PCDHA8: variants seen among roughly 807,000 people sequenced by gnomAD.
The protein encoded by PCDHA8 is protocadherin alpha 8.
PCDHA8 carries 53 observed loss-of-function variants against 61.8 expected under a neutral mutation model. The ratio of observed to expected loss-of-function variants is 0.86; its 90% CI spans 0.69 to 1.08. The LOEUF (loss-of-function observed/expected upper bound fraction) is 1.08. Among genes scored for constraint, PCDHA8 ranks in the 50% least tolerant of loss-of-function variants. The pLI, the probability that PCDHA8 is intolerant of heterozygous loss-of-function variation, is 0.00. For synonymous variants in PCDHA8, 618 were observed against 556.6 expected (o/e 1.11, Z -1.55); for missense variants, 1,293 against 1,245.0 (o/e 1.04, Z -0.58).
At chr5:140,889,009 C>T (rs1030437186) in intron 1 of PCDHA8, among the ~76,000 whole-genome samples, 7 of 152,128 alleles carry the variant, frequency 4.6e-5, no homozygotes, top group Admixed American at 1.3e-4. Flanking sequence ...GCAAACCAAC[C>T]TCTACTTCCT....
intron 1 of PCDHA8, among the ~76,000 whole-genome samples, chr5:140,891,557 A>G (rs549418095): frequency 6.6e-6 from 1 of 151,608 alleles, no homozygotes; most frequent in Non-Finnish European, 1.5e-5. Flanking sequence ...TTATTTTAGT[A>G]CTCTAATTAA....
chr5:140,876,456 TTCC>T, intron 1 of PCDHA8: 1 of 1,614,050 alleles, frequency 6.2e-7, no homozygotes, highest in Non-Finnish European at 8.5e-7. Flanking sequence ...AAGGGATTCC[TTCC>T]ATGGCAGGTC....
At chr5:140,904,164 T>C (rs1475689291) in intron 1 of PCDHA8, among the ~76,000 whole-genome samples, 1 of 152,078 alleles carries the variant, frequency 6.6e-6, no homozygotes, top group Non-Finnish European at 1.5e-5. Flanking sequence ...CAGTTTGTAG[T>C]CTTTTATTCC....
At chr5:140,987,952 C>T (rs1176597775) in intron 3 of PCDHA8, among the ~76,000 whole-genome samples, 1 of 152,128 alleles carries the variant, frequency 6.6e-6, no homozygotes, top group African/African-American at 2.4e-5. Flanking sequence ...TCTGACAAAA[C>T]CAACTCCCCA....
rs112458290 is a variant in PCDHA8, at chr5:140,842,855, A to G, written c.1534A>G (p.Thr512Ala). 3.5e-3 allele frequency: 5,603 copies of G among 1,593,762 alleles called. 526 individuals carry two copies. The African/African-American group carries it at 0.06, about 17-fold the overall frequency. Residue 512 changes from threonine to alanine, a missense_variant, in exon 1 of 4, where the codon ACG becomes GCG. By Grantham distance (58) the Thr-to-Ala change is moderately conservative (BLOSUM62 0). Coordinates refer to ENST00000531613, the MANE Select transcript of PCDHA8 (RefSeq NM_018911.3). ...GCTGTCGAGCTACATTTCGGTGCACACGGAGAGCGGCAAGGTGTACGCGCT... is the reference window on the plus strand; with the variant it reads ...GCTGTCGAGCTACATTTCGGTGCACGCGGAGAGCGGCAAGGTGTACGCGCT... ...RSLSSYISVH[T>A]ESGKVYALQP...
At chr5:140,908,234 C>T (rs1262299431) in intron 1 of PCDHA8, among the ~76,000 whole-genome samples, 5 of 152,184 alleles carry the variant, frequency 3.3e-5, no homozygotes, top group Non-Finnish European at 7.3e-5. Context: ...CCTTAGTCTT[C>T]TCTTCCTCAT....
At chr5:140,964,584 A>G (rs1347418719) in intron 1 of PCDHA8, among the ~76,000 whole-genome samples, 2 of 152,132 alleles carry the variant, frequency 1.3e-5, no homozygotes, top group African/African-American at 4.8e-5. Context: ...GGGAGGAAAG[A>G]TCACTTTTCA....
intron 1 of PCDHA8, among the ~76,000 whole-genome samples, chr5:140,910,110 G>A (rs964418352): frequency 6.6e-6 from 1 of 152,194 alleles, no homozygotes; most frequent in South Asian, 2.1e-4. Flanking sequence ...TCATTTAAGG[G>A]ATTCTAGGTC....
At position 140,982,568 on chromosome 5, in the gene PCDHA8, A is replaced by G. The variant is rs1158399397; in HGVS notation, c.2542+5A>G. 6.2e-7 allele frequency: 1 copy of G among 1,613,890 alleles called. No individual in the cohort carries two copies. The highest frequency in any genetic ancestry group is 8.5e-7 in the Non-Finnish European group (1 of 1,179,906). On this transcript the variant is annotated splice_donor_5th_base_variant and intron_variant, in intron 3 of 3. Coordinates refer to ENST00000531613, the MANE Select transcript of PCDHA8 (RefSeq NM_018911.3). ...CAGTATCCAGTGCAACACCAGGTAA[A>G]GAGCTGGGGTCTCTCCATTCTTTCT...
chr5:140,999,066 T>G (rs2097845533), intron 3 of PCDHA8, among the ~76,000 whole-genome samples: 1 of 152,214 alleles, frequency 6.6e-6, no homozygotes, highest in Admixed American at 6.5e-5. Flanking sequence ...CTAAGTAGTC[T>G]CCTTCACTTC....
chr5:140,993,460 TCTCACACACACA>T (rs2097560533), intron 3 of PCDHA8, among the ~76,000 whole-genome samples: 2 of 104,506 alleles, frequency 1.9e-5, no homozygotes, highest in South Asian at 3.7e-4. Context: ...CTTCTTTCTT[TCTCACACACACA>T]CACACACACA....
chr5:140,858,881 T>A (rs1466953448), intron 1 of PCDHA8: 7 of 242,834 alleles, frequency 2.9e-5, no homozygotes, highest in Non-Finnish European at 5.6e-5. Flanking sequence ...TTTTCCTCCA[T>A]GTGTAGAATA....
chr5:140,933,938 T>C (rs1275274532), intron 1 of PCDHA8, among the ~76,000 whole-genome samples: 1 of 152,108 alleles, frequency 6.6e-6, no homozygotes, highest in Non-Finnish European at 1.5e-5. Context: ...TGACTTTTTT[T>C]CACATCTGCA....
At chr5:140,893,229 G>A (rs922723551) in intron 1 of PCDHA8, among the ~76,000 whole-genome samples, 3 of 152,212 alleles carry the variant, frequency 2.0e-5, no homozygotes, top group Non-Finnish European at 4.4e-5. Context: ...GTATCACTTT[G>A]ACATACTGGT....
At chr5:140,925,955 G>T (rs1350124934) in intron 1 of PCDHA8, among the ~76,000 whole-genome samples, 1 of 152,076 alleles carries the variant, frequency 6.6e-6, no homozygotes. Context: ...AGGAGAAACT[G>T]CTATCACGCA....
intron 1 of PCDHA8, chr5:140,859,867 TC>T (rs2046061567): frequency 6.6e-6 from 1 of 152,134 alleles, no homozygotes; most frequent in East Asian, 1.9e-4. Context: ...AATATATACT[TC>T]CCCCTCTGAT....
chr5:140,868,927 A>T, intron 1 of PCDHA8: 3 of 1,057,856 alleles, frequency 2.8e-6, no homozygotes, highest in Non-Finnish European at 4.0e-6. Flanking sequence ...AAGTTCATTT[A>T]AAGGTTGGTC....
intron 1 of PCDHA8, among the ~76,000 whole-genome samples, chr5:140,879,144 G>A (rs1309421547): frequency 6.6e-6 from 1 of 152,168 alleles, no homozygotes; most frequent in Non-Finnish European, 1.5e-5. Context: ...TGTGAAGGCA[G>A]GAAAGCTATT....
At chr5:140,917,324 C>CGGG (rs1299895515) in intron 1 of PCDHA8, among the ~76,000 whole-genome samples, 10 of 76,182 alleles carry the variant, frequency 1.3e-4, no homozygotes, top group South Asian at 4.5e-4. Flanking sequence ...GTTCATGTGG[C>CGGG]GGGGGAGGGG....
Sources: allele counts gnomAD v4.1 joint callset (sites outside exome capture counted in the v4.1 genomes callset), GRCh38; gene constraint gnomAD v4.1.1; transcripts MANE v1.5; gene names NCBI Gene and HGNC (gene_info 2026-07-23, HGNC 2026-07-21).